ZZEF1: variants seen among roughly 807,000 people sequenced by gnomAD.
ZZEF1 encodes the protein zinc finger ZZ-type and EF-hand domain containing 1.
In ZZEF1, 157 loss-of-function variants were observed where a neutral mutation model predicts 342.8. That is an observed-to-expected ratio of 0.46 (90% CI 0.40 to 0.52). The LOEUF is 0.52. Among genes scored for constraint, ZZEF1 ranks in the 20% least tolerant of loss-of-function variants. ZZEF1 has a pLI of 0.00. For missense variants in ZZEF1, 3,480 were observed against 3,725.6 expected, an observed-to-expected ratio of 0.93 and a Z score of 1.72; for synonymous variants, 1,505 against 1,429.1, an observed-to-expected ratio of 1.05 and a Z score of -1.20.
intron 45 of ZZEF1, among the ~76,000 whole-genome samples, chr17:4,020,851 C>T (rs371802405): frequency 3.3e-5 from 5 of 152,298 alleles, no homozygotes; most frequent in East Asian, 3.9e-4. Flanking sequence ...CCTTGAAATT[C>T]GTGCAAAATT....
chr17:4,077,197 T>A (rs35444579), intron 19 of ZZEF1, among the ~76,000 whole-genome samples: 5 of 68,236 alleles, frequency 7.3e-5, no homozygotes, highest in Non-Finnish European at 1.6e-4. Context: ...TTTAAAGGGA[T>A]TTTTTTTTGT....
Position 4,016,223 on chromosome 17 carries a change from A to C in ZZEF1, c.8145+100T>G. 1 of 1,421,022 alleles carries C rather than the reference A, an allele frequency of 7.0e-7. No homozygotes were observed. The highest frequency in any genetic ancestry group is 1.4e-5 in the African/African-American group (1 of 69,826). 88.0% of individuals were successfully genotyped at this position (1,421,022 alleles called of 1,614,324 possible). ...AGGTCTCTGCTGTCCAGCGGGAGAG[A>C]GCCACAGAGGGGCTGAGCATGGAGG... is the stretch of plus-strand genomic sequence containing the variant. On this transcript the variant is annotated intron_variant, in intron 49 of 54. Coordinates refer to ENST00000381638, the MANE Select transcript of ZZEF1 (RefSeq NM_015113.4). This position sits in a 1 kb window ranked among gnomAD's most constrained non-coding sequence, Gnocchi z 4.4.
chr17:4,142,513 C>G, intron 1 of ZZEF1, 29 bp downstream of exon 1: 1 of 1,587,442 alleles, frequency 6.3e-7, no homozygotes, highest in Non-Finnish European at 8.5e-7. Flanking sequence ...CGCCCTGCCC[C>G]ATCCCCGCAG....
chr17:4,094,679 C>T lies in ZZEF1; in HGVS notation c.1913+1152G>A, dbSNP rs528428363. On this transcript the variant is annotated intron_variant, in intron 11 of 54. Coordinates refer to ENST00000381638, the MANE Select transcript of ZZEF1 (RefSeq NM_015113.4). The stretch of plus-strand genomic sequence containing the variant: ...AGTAAGAAAGGCACTACCAATTTCC[C>T]CACCTGCTCAAGCCAAAAGCCAGGA... 3.3e-5 allele frequency among the ~76,000 whole-genome samples: 5 copies of T among 152,296 alleles called. No homozygotes were observed. In the South Asian group the frequency reaches 1.0e-3, roughly 32 times the overall value.
At chr17:4,130,243 C>G (rs2058642024) in intron 1 of ZZEF1, among the ~76,000 whole-genome samples, 1 of 152,150 alleles carries the variant, frequency 6.6e-6, no homozygotes, top group African/African-American at 2.4e-5. Flanking sequence ...CACCTGAGGT[C>G]AGGAGTTTGA....
At chr17:4,077,846 C>T (rs767243941) in intron 19 of ZZEF1, 37 bp downstream of exon 19, 13 of 1,605,336 alleles carry the variant, frequency 8.1e-6, no homozygotes, top group African/African-American at 4.0e-5. Flanking sequence ...AAAACCCAAA[C>T]GCCATCTGTT....
At chr17:4,140,005 T>C (rs1466574883) in intron 1 of ZZEF1, among the ~76,000 whole-genome samples, 1 of 152,208 alleles carries the variant, frequency 6.6e-6, no homozygotes, top group African/African-American at 2.4e-5. Context: ...CTTTTCCCTT[T>C]CTTGCTTGTT....
intron 13 of ZZEF1, among the ~76,000 whole-genome samples, chr17:4,087,825 C>T (rs1481448628): frequency 2.9e-5 from 4 of 140,268 alleles, no homozygotes; most frequent in Admixed American, 7.3e-5. Context: ...CACACACACA[C>T]ATCCATGAAC....
intron 17 of ZZEF1, 90 bp from the exon 18 acceptor site, chr17:4,081,580 G>C: frequency 9.0e-7 from 1 of 1,105,002 alleles, no homozygotes; most frequent in Non-Finnish European, 1.3e-6. Flanking sequence ...GCGCAGAAAG[G>C]TTTCAGTGTC....
At position 4,095,721 on chromosome 17, in the gene ZZEF1, T is replaced by C. The variant is rs1187388586; in HGVS notation, c.1913+110A>G. ...TGAGATGGATTAGTGGCGCCTTTTCTATAAAGACAAGCAAGCACAGTTCAC... is the reference window on the plus strand; with the variant it reads ...TGAGATGGATTAGTGGCGCCTTTTCCATAAAGACAAGCAAGCACAGTTCAC... On this transcript the variant is annotated intron_variant, in intron 11 of 54. Transcript: ENST00000381638. 12 of 1,231,362 alleles carry C rather than the reference T, an allele frequency of 9.7e-6. No homozygotes were observed. The East Asian group carries it at 2.0e-4, about 20-fold the overall frequency. 76.3% of individuals were successfully genotyped at this position (1,231,362 alleles called of 1,614,324 possible). A position where few individuals can be genotyped will look rare whatever the true frequency, so the allele number is the denominator to read the frequency against.
At chr17:4,021,054 A>T in intron 45 of ZZEF1, 75 bp downstream of exon 45, 1 of 1,458,270 alleles carries the variant, frequency 6.9e-7, no homozygotes, top group East Asian at 2.3e-5. Context: ...TGTTTAGGCT[A>T]AAACATGGCC....
In ZZEF1 at chr17:4,013,534, C is replaced by T. The variant is rs556585211; in HGVS notation, c.8494G>A (p.Val2832Met). The stretch of plus-strand genomic sequence containing the variant: ...CCAGTCTGGCGACAGGCCACGCCCA[C>T]CAGCCATTCCCAAATTTTTGCCAAT... ...LPLAKIWEWL[V>M]GVACRQTGHQ... is the part of the protein sequence containing the mutation. Residue 2832 changes from valine to methionine, a missense_variant, in exon 52 of 55, where the codon GTG (valine) becomes ATG (methionine). By Grantham distance (21) the Val-to-Met change is conservative. This residue lies in a region of ZZEF1 where 1,269 missense variants were observed against 1,342.4 expected (regional missense o/e 0.95). Coordinates refer to ENST00000381638, the MANE Select transcript of ZZEF1 (RefSeq NM_015113.4). 5 of 1,614,042 alleles carry T rather than the reference C, an allele frequency of 3.1e-6. No individual in the cohort carries two copies. The highest frequency in any genetic ancestry group is 4.5e-5 in the East Asian group (2 of 44,900).
At position 4,016,111 on chromosome 17, in the gene ZZEF1, G is replaced by A. The variant is rs774648105; in HGVS notation, c.8145+212C>T. ...ATTTTCTTCTATTAAAACAAGAAAA[G>A]TCCGGAGAAGAGAAGACTTGCTTGT... On this transcript the variant is annotated intron_variant, in intron 49 of 54. Coordinates refer to ENST00000381638, the MANE Select transcript of ZZEF1 (RefSeq NM_015113.4). This position sits in a 1 kb window ranked among gnomAD's most constrained non-coding sequence, Gnocchi z 4.4. Among the ~76,000 whole-genome samples the A allele has an allele frequency of 3.9e-5, 6 of 152,220 alleles. No individual in the cohort carries two copies. Among genetic ancestry groups the A allele is most frequent in the Non-Finnish European group, 7.3e-5 (5 of 68,044 alleles).
intron 39 of ZZEF1, among the ~76,000 whole-genome samples, chr17:4,039,054 T>C (rs1484530880): frequency 1.3e-5 from 2 of 151,970 alleles, no homozygotes; most frequent in Admixed American, 6.6e-5. Context: ...AAAAAAAGAT[T>C]ATTAGGGGAA....
chr17:4,085,573 A>G, intron 16 of ZZEF1, 97 bp downstream of exon 16: 1 of 1,448,620 alleles, frequency 6.9e-7, no homozygotes, highest in Non-Finnish European at 9.5e-7. Context: ...CACATCTGGG[A>G]CGTTGCAACA....
At position 4,025,020 on chromosome 17, in the gene ZZEF1, T is replaced by G. The variant is rs769800199; in HGVS notation, c.6991A>C (p.Ser2331Arg). The G allele has an allele frequency of 6.2e-7, 1 of 1,614,216 alleles. No homozygotes were observed. The highest frequency in any genetic ancestry group is 1.1e-5 in the South Asian group (1 of 91,084). Residue 2331 changes from serine (S) to arginine (R), a missense_variant, in exon 43 of 55, where the codon AGT (serine) becomes CGT (arginine). By Grantham distance (110) the Ser-to-Arg change is moderately radical. Around this residue, in one of 5 missense-constraint regions of ZZEF1, gnomAD observed 1,269 missense variants for 1,342.4 expected, o/e 0.95. Transcript: ENST00000381638. Reference sequence around the variant, plus strand: ...TCCATGCTGCTTTGCAGAAGGTGACTGGCGATAAAGGCAAAGTGCTGGGAG... The same window carrying G: ...TCCATGCTGCTTTGCAGAAGGTGACGGGCGATAAAGGCAAAGTGCTGGGAG... The part of the protein sequence containing the change: ...QYSQHFAFIA[S>R]HLLQSSMDSH...
intron 1 of ZZEF1, among the ~76,000 whole-genome samples, chr17:4,132,526 G>A (rs9889800): frequency 0.15 from 22,509 of 147,654 alleles, 1,969 homozygotes; most frequent in African/African-American, 0.23. Flanking sequence ...GTGAAACCCC[G>A]TCTCTACTAA....
chr17:4,058,449 G>A (rs992346971), intron 31 of ZZEF1, among the ~76,000 whole-genome samples: 2 of 152,226 alleles, frequency 1.3e-5, no homozygotes, highest in Non-Finnish European at 2.9e-5. Flanking sequence ...CAAGATCAGG[G>A]CCAGCTCCAA....
chr17:4,111,760 T>TTATA (rs3050967), intron 5 of ZZEF1, among the ~76,000 whole-genome samples: 40,293 of 142,426 alleles, frequency 0.28, 5,704 homozygotes, highest in Non-Finnish European at 0.3. Flanking sequence ...ATATATATGT[T>TTATA]TATATATATA....
Sources: allele counts gnomAD v4.1 joint callset (sites outside exome capture counted in the v4.1 genomes callset), GRCh38; gene constraint gnomAD v4.1.1; regional missense constraint gnomAD v4.1.1; non-coding constraint Gnocchi (gnomAD v3.1); transcripts MANE v1.5; gene names NCBI Gene and HGNC (gene_info 2026-07-23, HGNC 2026-07-21).